Variants in DHX29 observed in about 807,000 individuals in gnomAD.
DHX29 encodes DExH-box helicase 29.
DHX29 carries 79 observed loss-of-function variants against 167.9 expected under a neutral mutation model. That is an observed-to-expected ratio of 0.47 (90% CI 0.39 to 0.57). The LOEUF is 0.57. Among genes scored for constraint, DHX29 ranks in the 20% least tolerant of loss-of-function variants. DHX29 has a pLI of 0.00. For missense variants in DHX29, 1,347 were observed against 1,593.4 expected (o/e 0.85, Z 2.63); for synonymous variants, 530 against 546.0 (o/e 0.97, Z 0.41).
chr5:55,291,855 CTTCT>C (rs1748064558), intron 6 of DHX29, among the ~76,000 whole-genome samples: 1 of 152,140 alleles, frequency 6.6e-6, no homozygotes, highest in Admixed American at 6.6e-5. Flanking sequence ...CCAGAACTTC[CTTCT>C]TTTTTAAGGC....
chr5:55,278,983 G>A (rs774516476), intron 12 of DHX29, among the ~76,000 whole-genome samples: 1 of 152,166 alleles, frequency 6.6e-6, no homozygotes, highest in Non-Finnish European at 1.5e-5. Context: ...AGTGATTAAT[G>A]CATTTTAAAG....
intron 1 of DHX29, among the ~76,000 whole-genome samples, chr5:55,305,086 G>T (rs993854093): frequency 6.6e-6 from 1 of 152,190 alleles, no homozygotes; most frequent in Non-Finnish European, 1.5e-5. Flanking sequence ...CACAGCACTA[G>T]AGTAGATACT....
At position 55,296,400 on chromosome 5, in the gene DHX29, G is replaced by A. The variant is rs193106529; in HGVS notation, c.376-51C>T. On this transcript the variant is annotated intron_variant, in intron 3 of 26. Transcript: ENST00000251636. ...TCACATTTGTCAAAGTTCCCTTCCT[G>A]TGTTACTAATTATCCCATTCATTTT... 6.6e-5 allele frequency: 103 copies of A among 1,565,520 alleles called. No individual in the cohort carries two copies. In the African/African-American group the frequency reaches 1.3e-3, roughly 20 times the overall value.
intron 14 of DHX29, 98 bp from the exon 15 acceptor site, chr5:55,275,108 A>T (rs577949622): frequency 7.3e-7 from 1 of 1,374,788 alleles, no homozygotes; most frequent in East Asian, 2.4e-5. Context: ...ATTCAAATCT[A>T]TATTTTTCTC....
chr5:55,287,247 C>A (rs904418177), intron 8 of DHX29, among the ~76,000 whole-genome samples: 4 of 152,164 alleles, frequency 2.6e-5, no homozygotes, highest in African/African-American at 9.7e-5. Flanking sequence ...TCAAGACCAG[C>A]CTGGCCAACG....
chr5:55,302,403 T>C lies in DHX29; in HGVS notation c.188-3739A>G, dbSNP rs546739790. Among the ~76,000 whole-genome samples, 3 of 152,156 alleles carry C rather than the reference T, an allele frequency of 2.0e-5. No individual in the cohort carries two copies. The East Asian group carries it at 5.8e-4, about 29-fold the overall frequency. On this transcript the variant is annotated intron_variant, in intron 1 of 26. Transcript: ENST00000251636. ...TATGCTACTGACAAGAGTAAGACTG[T>C]AAATTCCTTTAAAAATGCCAGCCGG...
chr5:55,279,873 G>C (rs1443826586), intron 12 of DHX29, among the ~76,000 whole-genome samples: 2 of 149,398 alleles, frequency 1.3e-5, no homozygotes, highest in Non-Finnish European at 3.0e-5. Context: ...CTCCTGGCCA[G>C]ATTTTTTTTT....
intron 5 of DHX29, 102 bp downstream of exon 5, chr5:55,295,277 G>C (rs1579813131): frequency 1.1e-6 from 1 of 892,098 alleles, no homozygotes; most frequent in African/African-American, 1.7e-5. Context: ...TTATTTGTAA[G>C]AAGTAAAAAT....
intron 24 of DHX29, 48 bp downstream of exon 24, chr5:55,262,582 T>C (rs1054545042): frequency 6.3e-7 from 1 of 1,581,582 alleles, no homozygotes; most frequent in African/African-American, 1.3e-5. Flanking sequence ...TATGAATGAC[T>C]TGCAGAATAA....
chr5:55,274,548 G>T lies in DHX29; in HGVS notation c.2690+66C>A, dbSNP rs567592271. On this transcript the variant is annotated intron_variant, in intron 16 of 26. Coordinates refer to ENST00000251636, the MANE Select transcript of DHX29 (RefSeq NM_019030.4). ...AAGACTTTGAAAACTCTGATCAAGGGTTTTAATGTACCAAATATTTTCCTA... is the reference window on the plus strand; with the variant it reads ...AAGACTTTGAAAACTCTGATCAAGGTTTTTAATGTACCAAATATTTTCCTA... 4.9e-5 allele frequency: 60 copies of T among 1,214,778 alleles called. No homozygotes were observed. In the East Asian group the frequency reaches 1.2e-3, roughly 24 times the overall value. 75.2% of individuals were successfully genotyped at this position (1,214,778 alleles called of 1,614,324 possible). A position where few individuals can be genotyped will look rare whatever the true frequency, so the allele number is the denominator to read the frequency against.
At chr5:55,303,577 C>A (rs75925925) in intron 1 of DHX29, among the ~76,000 whole-genome samples, 310 of 152,312 alleles carry the variant, frequency 2.0e-3, no homozygotes, top group Non-Finnish European at 3.1e-3. Context: ...AATACCAACA[C>A]CGGCCCCCAC....
intron 1 of DHX29, among the ~76,000 whole-genome samples, chr5:55,299,933 T>C (rs979309384): frequency 1.3e-5 from 2 of 152,194 alleles, no homozygotes; most frequent in African/African-American, 4.8e-5. Flanking sequence ...CAACACACAT[T>C]ATTTTCAAAC....
chr5:55,268,857 G>A (rs1411270369), intron 21 of DHX29, among the ~76,000 whole-genome samples: 1 of 152,230 alleles, frequency 6.6e-6, no homozygotes, highest in Middle Eastern at 3.4e-3. Flanking sequence ...TTCAAAGCTG[G>A]TAGTGTTCAA....
At chr5:55,273,491 A>T (rs1746951302) in intron 16 of DHX29, 114 bp from the exon 17 acceptor site, 1 of 1,266,928 alleles carries the variant, frequency 7.9e-7, no homozygotes, top group East Asian at 2.7e-5. Flanking sequence ...ACTATGAAAA[A>T]ATTTAAACAT....
chr5:55,285,808 A>G lies in DHX29; in HGVS notation c.1120T>C (p.Trp374Arg). ...VRNFDYTARS[W>R]TGKSPKQFLI... ...AATTGTTTGGGAGATTTTCCAGTCC[A>G]ACTTCGAGCAGTATAGTCAAAATTT... Residue 374 changes from tryptophan (W) to arginine (R), a missense_variant, in exon 9 of 27, where the codon TGG becomes CGG. Trp to Arg is a moderately radical substitution (Grantham distance 101). Around this residue, in one of 3 missense-constraint regions of DHX29, gnomAD observed 60 missense variants for 94.2 expected, o/e 0.64. Transcript: ENST00000251636. 1 of 1,603,344 alleles carries G rather than the reference A, an allele frequency of 6.2e-7. No individual in the cohort carries two copies. Among genetic ancestry groups the G allele is most frequent in the Non-Finnish European group, 8.5e-7 (1 of 1,172,320 alleles).
At chr5:55,294,223 T>C in intron 5 of DHX29, 78 bp from the exon 6 acceptor site, 1 of 1,367,722 alleles carries the variant, frequency 7.3e-7, no homozygotes, top group East Asian at 2.4e-5. Context: ...GCTTTTACAA[T>C]TTCCTCACAC....
intron 4 of DHX29, among the ~76,000 whole-genome samples, chr5:55,295,832 G>A (rs1397716348): frequency 6.6e-6 from 1 of 152,150 alleles, no homozygotes; most frequent in East Asian, 1.9e-4. Flanking sequence ...ACAGCATGTG[G>A]TAGTATCCTT....
At chr5:55,282,486 T>C (rs537472776) in intron 11 of DHX29, among the ~76,000 whole-genome samples, 60 of 152,248 alleles carry the variant, frequency 3.9e-4, no homozygotes, top group African/African-American at 1.3e-3. Flanking sequence ...CCCAGACAAT[T>C]TGCTAAATAG....
In DHX29 at chr5:55,285,467, A is replaced by T. The variant is rs202009268; in HGVS notation, c.1233-51T>A. 4.2e-4 allele frequency: 643 copies of T among 1,517,694 alleles called. 1 individual carries two copies. Among genetic ancestry groups the T allele is most frequent in the African/African-American group, 1.0e-3 (75 of 71,562 alleles). The allele number at this position is 1,517,694 out of a possible 1,614,324, so 94.0% of individuals were successfully genotyped here. A position where few individuals can be genotyped will look rare whatever the true frequency, so the allele number is the denominator to read the frequency against. On this transcript the variant is annotated intron_variant, in intron 9 of 26. Coordinates refer to ENST00000251636, the MANE Select transcript of DHX29 (RefSeq NM_019030.4). ...AAAAATAAAGTTGACAAAGTCAGAT[A>T]AAAAAAACTCAGAATTCCATTAACA...
Sources: allele counts gnomAD v4.1 joint callset (sites outside exome capture counted in the v4.1 genomes callset), GRCh38; gene constraint gnomAD v4.1.1; regional missense constraint gnomAD v4.1.1; transcripts MANE v1.5; gene names NCBI Gene and HGNC (gene_info 2026-07-23, HGNC 2026-07-21).